CSAG1: variants seen among roughly 807,000 people sequenced by gnomAD.
CSAG1 encodes chondrosarcoma-associated gene 1 protein.
CSAG1 carries 4 observed loss-of-function variants against 4.8 expected under a neutral mutation model. The ratio of observed to expected loss-of-function variants is 0.83; its 90% confidence interval spans 0.41 to 1.90. The LOEUF (loss-of-function observed/expected upper bound fraction) is 1.90, where lower values mean the gene tolerates loss of function less well. Ranked by LOEUF, CSAG1 falls within the 40% of genes most tolerant of loss-of-function variation. The probability of loss-of-function intolerance (pLI) is 0.03; values close to 1 mark genes in which losing one functional copy is unlikely to be tolerated. For missense variants in CSAG1, 69 were observed against 59.5 expected (o/e 1.16, Z -0.53); for synonymous variants, 21 against 23.1 (o/e 0.91, Z 0.26).
At chrX:152,729,164 C>T (rs1370758562) in intron 2 of CSAG1, among the ~76,000 whole-genome samples, 5 of 110,851 alleles carry the variant, frequency 4.5e-5, no homozygotes, top group African/African-American at 1.6e-4. Context: ...AATTAGACAC[C>T]TATACACAAA....
intron 2 of CSAG1, among the ~76,000 whole-genome samples, chrX:152,731,838 G>A (rs1932162365): frequency 8.9e-6 from 1 of 111,851 alleles, no homozygotes. Context: ...ATGAGTTTAT[G>A]GAAAAAAGAA....
intron 2 of CSAG1, 90 bp from the exon 3 acceptor site, chrX:152,728,314 G>A: frequency 1.1e-6 from 1 of 882,854 alleles, no homozygotes; most frequent in Non-Finnish European, 1.7e-6. Context: ...CAACTAATTG[G>A]ATGAGGCCTA....
intron 2 of CSAG1, among the ~76,000 whole-genome samples, chrX:152,730,023 C>A (rs1932124497): frequency 2.1e-5 from 1 of 46,665 alleles, no homozygotes; most frequent in Non-Finnish European, 5.0e-5. Context: ...CACATACACA[C>A]ACACACGCAT....
rs1556830545 is a variant in CSAG1 at position 152,727,771 on chromosome X, G to T, written c.*23C>A. ...TAGTGTTGGCCCACTCCATTCCTCAGGTTTTTTTGAAGCGGTGGTCTTTTA... is the reference window on the plus strand; with the variant it reads ...TAGTGTTGGCCCACTCCATTCCTCATGTTTTTTTGAAGCGGTGGTCTTTTA... On this transcript the variant is annotated 3_prime_UTR_variant, in exon 4 of 4. Coordinates refer to ENST00000452779, the MANE Select transcript of CSAG1 (RefSeq NM_001102576.3). The T allele has an allele frequency of 4.7e-4, 565 of 1,205,174 alleles. 3 individuals are homozygous for T. The African/African-American group carries it at 8.0e-3, about 17-fold the overall frequency.
rs112733171 is a variant in CSAG1 at position 152,732,500 on chromosome X, C to T, written c.-40G>A. On this transcript the variant is annotated 5_prime_UTR_variant, in exon 2 of 4. An upstream open reading frame in the 5' UTR loses its in-frame stop. Coordinates refer to ENST00000452779, the MANE Select transcript of CSAG1 (RefSeq NM_001102576.3). ...GGCTGCTGTGCTCTGCTTCCCAAAT[C>T]AACCCTGTAAATTTATAGAATGGAA... The T allele has an allele frequency of 2.2e-3, 2,647 of 1,208,287 alleles. 38 individuals carry two copies. In the African/African-American group the frequency reaches 0.04, roughly 18 times the overall value.
At chrX:152,731,292 A>T (rs1932150495) in intron 2 of CSAG1, among the ~76,000 whole-genome samples, 1 of 112,434 alleles carries the variant, frequency 8.9e-6, no homozygotes, top group Non-Finnish European at 1.9e-5. Flanking sequence ...TGCCATTAAA[A>T]GTGAAATCCT....
In CSAG1 at chrX:152,727,829, C is replaced by G. The variant is rs782017899; in HGVS notation, c.202G>C (p.Val68Leu). The change falls in exon 4 of 4, where the codon GTC becomes CTC. Residue 68 changes from valine to leucine, a missense_variant. Coordinates refer to ENST00000452779, the MANE Select transcript of CSAG1 (RefSeq NM_001102576.3). Reference sequence around the variant, plus strand: ...CCTTTTGTTCCTGGAACTTCCTTGACGGGTCCCTTTTCCCTTCTGGGTTGT... The same window carrying G: ...CCTTTTGTTCCTGGAACTTCCTTGAGGGGTCCCTTTTCCCTTCTGGGTTGT... ...PRQPRREKGP[V>L]KEVPGTKGSP The G allele has an allele frequency of 2.9e-4, 346 of 1,209,085 alleles. 1 individual carries two copies. Among genetic ancestry groups the G allele is most frequent in the South Asian group, 7.4e-4 (42 of 56,723 alleles).
At chrX:152,729,916 A>G (rs1932118954) in intron 2 of CSAG1, among the ~76,000 whole-genome samples, 1 of 106,684 alleles carries the variant, frequency 9.4e-6, no homozygotes, top group Non-Finnish European at 1.9e-5. Flanking sequence ...AAATTTGTAT[A>G]TGAATGTATA....
rs144897753 is a variant in CSAG1, at chrX:152,732,097, T to A, written c.16+348A>T. ...TAATACCATTATCGATCTTGAAAAT[T>A]CAAAGGAAAAGGCATGTGGAATATT... On this transcript the variant is annotated intron_variant, in intron 2 of 3. Transcript: ENST00000452779. Among the ~76,000 whole-genome samples the A allele has an allele frequency of 0.017, 1,864 of 112,241 alleles. 124 individuals are homozygous for A. In the East Asian group the frequency reaches 0.29, roughly 18 times the overall value.
In CSAG1 at chrX:152,727,619, TG is replaced by T; in HGVS notation, c.*174del. On this transcript the variant is annotated 3_prime_UTR_variant, in exon 4 of 4. Transcript: ENST00000452779. ...ACTTTTCAGATAGACTTGAAGTCTC[TG>T]GCCTTGCCTGGGAATTACTGGCTGC... 1.7e-6 allele frequency: 1 copy of T among 575,353 alleles called. No individual in the cohort carries two copies. Among genetic ancestry groups the T allele is most frequent in the Non-Finnish European group, 2.9e-6 (1 of 342,612 alleles). The allele number at this position is 575,353 out of a possible 1,213,427, so 47.4% of individuals were successfully genotyped here. A position where few individuals can be genotyped will look rare whatever the true frequency, so the allele number is the denominator to read the frequency against.
rs2124963130 is a variant in CSAG1 at position 152,728,181 on chromosome X, G to C, written c.60C>G (p.Asp20Glu). 2 of 1,211,222 alleles carry C rather than the reference G, an allele frequency of 1.7e-6. No individual in the cohort carries two copies. Among genetic ancestry groups the C allele is most frequent in the Admixed American group, 2.2e-5 (1 of 46,010 alleles). ...AFTVLGEARG[D>E]QVDWSRLYRD... is the part of the protein sequence containing the mutation. ...TGTACAGTCTACTCCAGTCCACCTG[G>C]TCTCCCCGAGCTTCCCCCAGGACAG... Residue 20 changes from aspartate to glutamate, a missense_variant, in exon 3 of 4, where the codon GAC becomes GAG. Coordinates refer to ENST00000452779, the MANE Select transcript of CSAG1 (RefSeq NM_001102576.3).
At chrX:152,733,235 A>G (rs1248930729) in intron 1 of CSAG1, 1 of 111,727 alleles carries the variant, frequency 9.0e-6, no homozygotes, top group Non-Finnish European at 1.9e-5. Context: ...CAAGGGGTGC[A>G]GCTGTGCAAA....
chrX:152,731,407 T>C (rs1932152429), intron 2 of CSAG1, among the ~76,000 whole-genome samples: 1 of 112,260 alleles, frequency 8.9e-6, no homozygotes, highest in Non-Finnish European at 1.9e-5. Flanking sequence ...AACTGTACAA[T>C]ATTCAAAGCT....
At chrX:152,733,129 G>A (rs1249836772) in intron 1 of CSAG1, 1 of 112,077 alleles carries the variant, frequency 8.9e-6, no homozygotes, top group Non-Finnish European at 1.9e-5. Flanking sequence ...AGGAGCTCCC[G>A]TGGGAAAGTG....
intron 2 of CSAG1, among the ~76,000 whole-genome samples, chrX:152,731,219 T>C (rs1248398572): frequency 8.9e-6 from 1 of 111,839 alleles, no homozygotes; most frequent in Non-Finnish European, 1.9e-5. Flanking sequence ...GTTCATAATA[T>C]TAGTTTCTGT....
chrX:152,733,530 C>T (rs1212379299), intron 1 of CSAG1, 138 bp downstream of exon 1: 4 of 110,392 alleles, frequency 3.6e-5, no homozygotes, highest in Non-Finnish European at 7.6e-5. Context: ...CAGGCTCAGC[C>T]TGGCATCCAA....
Position 152,730,195 on chromosome X carries a change from T to C in CSAG1, c.17-1971A>G, listed in dbSNP as rs782748519. On this transcript the variant is annotated intron_variant, in intron 2 of 3. Transcript: ENST00000452779. The stretch of plus-strand genomic sequence containing the variant: ...CTAAAAAGGCTACATAGTATACGAG[T>C]CTATTTATATGACATTCAGGAAAAG... Among the ~76,000 whole-genome samples, 4 of 109,131 alleles carry C rather than the reference T, an allele frequency of 3.7e-5. No individual in the cohort carries two copies. In the South Asian group the frequency reaches 1.6e-3, roughly 44 times the overall value. 94.8% of individuals were successfully genotyped at this position (109,131 alleles called of 115,157 possible).
intron 2 of CSAG1, among the ~76,000 whole-genome samples, chrX:152,728,450 C>T (rs1337199053): frequency 2.7e-5 from 3 of 112,078 alleles, no homozygotes; most frequent in Non-Finnish European, 3.8e-5. Flanking sequence ...GCAGTATAGC[C>T]TAGACAAGTT....
chrX:152,730,312 G>GC (rs1932131111), intron 2 of CSAG1, among the ~76,000 whole-genome samples: 3 of 111,795 alleles, frequency 2.7e-5, no homozygotes, highest in African/African-American at 3.2e-5. Context: ...AAACTAGTAT[G>GC]GTAATACTGT....
Sources: gnomAD v4.1 joint callset for allele counts (sites outside exome capture counted in the v4.1 genomes callset) on GRCh38, gnomAD v4.1.1 for gene constraint, MANE v1.5 for transcripts, NCBI Gene and HGNC (gene_info 2026-07-23, HGNC 2026-07-21) for gene names.